The following SPECC1L variants were observed in gnomAD, a reference collection of about 807,000 sequenced individuals.
SPECC1L encodes sperm antigen with calponin homology and coiled-coil domains 1 like, also known as cytospin-A.
SPECC1L carries 40 observed loss-of-function variants against 116.8 expected under a neutral mutation model. The observed-to-expected ratio is 0.34, with a 90% CI of 0.27 to 0.45. The LOEUF (loss-of-function observed/expected upper bound fraction) is 0.45. Ranked by LOEUF, SPECC1L falls within the 20% of genes least tolerant of loss-of-function variation. SPECC1L has a pLI of 1.00. For missense variants in SPECC1L, 1,110 were observed against 1,373.6 expected, an observed-to-expected ratio of 0.81 and a Z score of 3.03; for synonymous variants, 504 against 500.6, an observed-to-expected ratio of 1.01 and a Z score of -0.09.
In SPECC1L at chr22:24,321,369, C is replaced by G. The variant is rs750510935; in HGVS notation, c.389C>G (p.Thr130Ser). Reference sequence around the variant, plus strand: ...ACTAGAGAAAGATTACGTGAACGTACCCGATTAAACCAGAGCAAAAAACTA... The same window carrying G: ...ACTAGAGAAAGATTACGTGAACGTAGCCGATTAAACCAGAGCAAAAAACTA... Reference protein sequence around the residue: ...SSTRERLRERTRLNQSKKLPS... With the variant: ...SSTRERLRERSRLNQSKKLPS... The change falls in exon 5 of 17, where the codon ACC (threonine) becomes AGC (serine). Residue 130 changes from threonine (T) to serine (S), a missense_variant. Physicochemically the swap from Thr to Ser is moderately conservative, Grantham distance 58. Coordinates refer to ENST00000314328, the MANE Select transcript of SPECC1L (RefSeq NM_015330.6). The G allele has an allele frequency of 1.2e-6, 2 of 1,614,230 alleles. No individual in the cohort carries two copies. The highest frequency in any genetic ancestry group is 1.1e-5 in the South Asian group (1 of 91,088).
At chr22:24,345,219 G>A (rs1047534812) in intron 10 of SPECC1L, among the ~76,000 whole-genome samples, 35 of 152,168 alleles carry the variant, frequency 2.3e-4, no homozygotes, top group African/African-American at 7.9e-4. Context: ...GTAAGGAATA[G>A]TTTTTTGAAG....
chr22:24,380,085 G>T (rs2042037642), intron 14 of SPECC1L, among the ~76,000 whole-genome samples: 1 of 152,150 alleles, frequency 6.6e-6, no homozygotes, highest in African/African-American at 2.4e-5. Flanking sequence ...TTGCCAGGCT[G>T]GTCTTGAACT....
chr22:24,399,394 C>T (rs1490570148), intron 14 of SPECC1L, among the ~76,000 whole-genome samples: 1 of 152,100 alleles, frequency 6.6e-6, no homozygotes, highest in Admixed American at 6.5e-5. Context: ...CATGGTGAAA[C>T]TCCATCTTTA....
In SPECC1L at chr22:24,411,787, G is replaced by T. The variant is rs2042703937; in HGVS notation, c.3204+83G>T. The T allele has an allele frequency of 1.3e-5, 15 of 1,138,938 alleles. No individual in the cohort carries two copies. The South Asian group carries it at 1.8e-4, about 14-fold the overall frequency. 70.6% of individuals were successfully genotyped at this position (1,138,938 alleles called of 1,614,324 possible). ...CCAAGGGCAGCACCTGCCTCAGCAG[G>T]TCACATGCCACAGCGCTGGCTTGCG... On this transcript the variant is annotated intron_variant, in intron 15 of 16. Transcript: ENST00000314328.
intron 14 of SPECC1L, 28 bp from the exon 15 acceptor site, chr22:24,411,560 G>C (rs201679992): frequency 1.9e-6 from 3 of 1,597,472 alleles, no homozygotes; most frequent in Non-Finnish European, 2.6e-6. Context: ...GCATGTGTTG[G>C]TTACATGTTT....
intron 2 of SPECC1L, among the ~76,000 whole-genome samples, chr22:24,299,449 A>T (rs2049331915): frequency 6.6e-6 from 1 of 152,092 alleles, no homozygotes; most frequent in African/African-American, 2.4e-5. Flanking sequence ...AAAAACGGTG[A>T]ACAGGGGGTA....
At chr22:24,278,598 T>C (rs9608275) in intron 2 of SPECC1L, among the ~76,000 whole-genome samples, 1 of 152,188 alleles carries the variant, frequency 6.6e-6, no homozygotes, top group Non-Finnish European at 1.5e-5. Context: ...CAAAAACTTT[T>C]GCATTCTTAG....
At chr22:24,394,934 G>A (rs758944264) in intron 14 of SPECC1L, among the ~76,000 whole-genome samples, 1 of 151,970 alleles carries the variant, frequency 6.6e-6, no homozygotes, top group Non-Finnish European at 1.5e-5. Context: ...GGGCTCAATC[G>A]ACCCTCCCAC....
intron 4 of SPECC1L, among the ~76,000 whole-genome samples, chr22:24,314,719 T>C (rs1199003888): frequency 6.6e-6 from 1 of 152,248 alleles, no homozygotes; most frequent in Non-Finnish European, 1.5e-5. Flanking sequence ...TTATTGTAAA[T>C]GGCATTGGAG....
chr22:24,341,123 A>G (rs2041168846), intron 10 of SPECC1L, among the ~76,000 whole-genome samples: 1 of 152,122 alleles, frequency 6.6e-6, no homozygotes, highest in African/African-American at 2.4e-5. Flanking sequence ...GGATCTGAGT[A>G]GACACAAATC....
intron 1 of SPECC1L, among the ~76,000 whole-genome samples, chr22:24,273,741 G>A (rs1308675767): frequency 6.6e-6 from 1 of 152,106 alleles, no homozygotes; most frequent in Non-Finnish European, 1.5e-5. Flanking sequence ...TCTGATCATT[G>A]TTAAATAGAT....
At chr22:24,316,966 C>T (rs2040587193) in intron 4 of SPECC1L, among the ~76,000 whole-genome samples, 1 of 121,780 alleles carries the variant, frequency 8.2e-6, no homozygotes, top group African/African-American at 2.9e-5. Context: ...GAGCTCCTCA[C>T]TTCCCAGTAG....
intron 8 of SPECC1L, among the ~76,000 whole-genome samples, chr22:24,333,334 G>A (rs1185848768): frequency 6.6e-6 from 1 of 152,176 alleles, no homozygotes; most frequent in African/African-American, 2.4e-5. Context: ...ACCAAAGACG[G>A]ATTTTTCCTA....
chr22:24,288,689 G>A (rs1045079268), intron 2 of SPECC1L, among the ~76,000 whole-genome samples: 2 of 126,622 alleles, frequency 1.6e-5, no homozygotes, highest in Admixed American at 1.0e-4. Flanking sequence ...GCAATGGCGT[G>A]ATCTTGGCTC....
intron 3 of SPECC1L, among the ~76,000 whole-genome samples, chr22:24,311,870 C>T (rs1601534331): frequency 2.1e-5 from 3 of 142,210 alleles, no homozygotes; most frequent in African/African-American, 7.8e-5. Context: ...GTTTCCCTCT[C>T]TTTTTATGTA....
At position 24,321,877 on chromosome 22, in the gene SPECC1L, C is replaced by T. The variant is rs767896429; in HGVS notation, c.897C>T (p.Thr299=). Residue 299 remains threonine (T), a synonymous_variant, in exon 5 of 17, where the codon ACC becomes ACT. Coordinates refer to ENST00000314328, the MANE Select transcript of SPECC1L (RefSeq NM_015330.6). ...FGYQSLSPEI[T]PGNQSDGGGT... The stretch of plus-strand genomic sequence containing the variant: ...ATCAGTCCCTGAGCCCAGAAATCAC[C>T]CCTGGTAACCAGAGCGATGGAGGAG... The T allele has an allele frequency of 2.5e-6, 4 of 1,614,214 alleles. No individual in the cohort carries two copies. The highest frequency in any genetic ancestry group is 2.7e-5 in the African/African-American group (2 of 75,054).
chr22:24,411,738 C>A, intron 15 of SPECC1L, 34 bp downstream of exon 15: 1 of 1,560,030 alleles, frequency 6.4e-7, no homozygotes, highest in Non-Finnish European at 8.8e-7. Flanking sequence ...TGGCACCCAC[C>A]TCACAGGGTT....
At chr22:24,391,975 A>C (rs1184340503) in intron 14 of SPECC1L, among the ~76,000 whole-genome samples, 1 of 152,238 alleles carries the variant, frequency 6.6e-6, no homozygotes, top group African/African-American at 2.4e-5. Context: ...CTTCATGTGA[A>C]TCAGCACCCA....
chr22:24,301,647 T>G (rs1003510310), intron 2 of SPECC1L, among the ~76,000 whole-genome samples: 2 of 152,228 alleles, frequency 1.3e-5, no homozygotes, highest in Non-Finnish European at 2.9e-5. Flanking sequence ...GTATGGTTTC[T>G]AAAGGTTTAT....
Sources: gnomAD v4.1 joint callset for allele counts (sites outside exome capture counted in the v4.1 genomes callset) on GRCh38, gnomAD v4.1.1 for gene constraint, MANE v1.5 for transcripts, NCBI Gene and HGNC (gene_info 2026-07-23, HGNC 2026-07-21) for gene names.